RALGDS: variants seen among roughly 807,000 people sequenced by gnomAD.
RALGDS encodes the protein ral guanine nucleotide exchange factor.
In RALGDS, 44 loss-of-function variants were observed where a neutral mutation model predicts 99.8. The ratio of observed to expected loss-of-function variants is 0.44; its 90% CI spans 0.35 to 0.57. The LOEUF (loss-of-function observed/expected upper bound fraction) is 0.57. RALGDS is among the 20% of genes least tolerant of loss of function. The pLI, the probability that RALGDS is intolerant of heterozygous loss-of-function variation, is 0.01. For missense variants in RALGDS, 1,022 were observed against 1,203.1 expected (o/e 0.85, Z 2.23); for synonymous variants, 529 against 505.0 (o/e 1.05, Z -0.64).
At chr9:133,122,794 T>C (rs1831995264), upstream of RALGDS, among the ~76,000 whole-genome samples, 1 of 151,062 alleles carries the variant, frequency 6.6e-6, no homozygotes. Flanking sequence ...GGCCTCCGCC[T>C]CTTGGGGTCA....
intron 3 of RALGDS, 76 bp from the exon 4 acceptor site, chr9:133,109,797 T>C (rs1831251110): frequency 2.4e-6 from 3 of 1,245,436 alleles, no homozygotes; most frequent in Admixed American, 3.6e-5. Flanking sequence ...ATTTTTTTTT[T>C]TGCTTTTTTT....
At chr9:133,100,527 G>T in intron 16 of RALGDS, 145 bp from the exon 17 acceptor site, 1 of 1,535,132 alleles carries the variant, frequency 6.5e-7, no homozygotes, top group South Asian at 1.2e-5. Context: ...TCCGGAGAGG[G>T]CCTTGTCACA....
At chr9:133,112,262 C>T (rs938265414) in intron 1 of RALGDS, 110 bp from the exon 2 acceptor site, 4 of 743,038 alleles carry the variant, frequency 5.4e-6, no homozygotes, top group East Asian at 2.7e-5. Context: ...CACAGACTGG[C>T]GGCTGCACAG....
In RALGDS at chr9:133,102,791, C is replaced by T. The variant is rs770706180; in HGVS notation, c.1901G>A (p.Ser634Asn). 1.2e-6 allele frequency: 2 copies of T among 1,612,650 alleles called. No homozygotes were observed. Among genetic ancestry groups the T allele is most frequent in the African/African-American group, 1.3e-5 (1 of 75,066 alleles). The change falls in exon 13 of 18, where the codon AGC (serine) becomes AAC (asparagine). Residue 634 changes from serine (S) to asparagine (N), a missense_variant. By Grantham distance (46) the Ser-to-Asn change is conservative. Around this residue, in one of 3 missense-constraint regions of RALGDS, gnomAD observed 825 missense variants for 994.5 expected, o/e 0.83. Transcript: ENST00000372050. ...GCCCCGGCCTCACCTCTCAGTCTCG[C>T]TGAGCCGCTCCACGGCCCGGAACCA... The part of the protein sequence containing the change: ...GAWFRAVERL[S>N]ETESYNLSCE...
rs148674373 is a variant in RALGDS at position 133,142,177 on chromosome 9, G to A, written c.18+6786C>T. ...TGGGGAGGGGGGAGTGGACTGGGGT[G>A]TCCCTCAGGAAGGATCCAGGGGCAG... On this transcript the variant is annotated intron_variant, in intron 1 of 17. Transcript: ENST00000393160. Among the ~76,000 whole-genome samples the A allele has an allele frequency of 3.2e-3, 490 of 152,270 alleles. 6 individuals are homozygous for A. Among genetic ancestry groups the A allele is most frequent in the African/African-American group, 0.011 (477 of 41,550 alleles).
In RALGDS at chr9:133,103,412, G is replaced by T. The variant is rs1289621416; in HGVS notation, c.1759-150C>A. 3 of 984,094 alleles carry T rather than the reference G, an allele frequency of 3.0e-6. No homozygotes were observed. In the East Asian group the frequency reaches 7.7e-5, roughly 25 times the overall value. The allele number at this position is 984,094 out of a possible 1,614,324, so 61.0% of individuals were successfully genotyped here. A position where few individuals can be genotyped will look rare whatever the true frequency, so the allele number is the denominator to read the frequency against. On this transcript the variant is annotated intron_variant, in intron 11 of 17. Transcript: ENST00000372050. Reference sequence around the variant, plus strand: ...CCGGTGCTGGGCACCAGGGCAAGGGGACATGCGGGCAGAGGCTTGGGGACT... The same window carrying T: ...CCGGTGCTGGGCACCAGGGCAAGGGTACATGCGGGCAGAGGCTTGGGGACT...
upstream of RALGDS, among the ~76,000 whole-genome samples, chr9:133,124,856 A>G (rs1588559056): frequency 6.6e-6 from 1 of 152,156 alleles, no homozygotes; most frequent in African/African-American, 2.4e-5. Context: ...ACGCAGCACC[A>G]CTCACAGTGT....
At chr9:133,109,013 C>G (rs1363930825) in intron 4 of RALGDS, 147 bp from the exon 5 acceptor site, 2 of 781,536 alleles carry the variant, frequency 2.6e-6, no homozygotes, top group African/African-American at 1.7e-5. Flanking sequence ...AAGGAGGCCC[C>G]TGGTCAGTGG....
chr9:133,108,662 GTCC>G lies in RALGDS; in HGVS notation c.778+8_778+10del, dbSNP rs747258505. On this transcript the variant is annotated splice_region_variant and intron_variant, in intron 5 of 17. Transcript: ENST00000372050. ...CATTCACCCTCTGGCACCCACCCCA[GTCC>G]TCCTCACCCTCAGGCTCTGCCTCAA... 2 of 1,612,810 alleles carry G rather than the reference GTCC, an allele frequency of 1.2e-6. No individual in the cohort carries two copies. Among genetic ancestry groups the G allele is most frequent in the South Asian group, 1.1e-5 (1 of 91,034 alleles).
At chr9:133,103,950 C>T (rs1262274862) in intron 10 of RALGDS, 117 bp from the exon 11 acceptor site, 1 of 986,816 alleles carries the variant, frequency 1.0e-6, no homozygotes, top group Non-Finnish European at 1.6e-6. Context: ...CTCCTGGGGC[C>T]CACTGTCTCC....
chr9:133,120,878 C>CGGCCCCGTCCGGGGCT (rs1347310877), intron 1 of RALGDS, 94 bp downstream of exon 1: 1 of 1,303,784 alleles, frequency 7.7e-7, no homozygotes, highest in African/African-American at 1.6e-5. Context: ...TGGGATCGCC[C>CGGCCCCGTCCGGGGCT]GGCCCCGTCC....
At position 133,126,287 on chromosome 9, in the gene RALGDS, G is replaced by A. The variant is rs901365081; in HGVS notation, c.132+4665C>T. ...ACAACCACAAGCCCCTGGAGAGCACGGCTGCACAGACCTTTCGGAAGTCGG... is the reference window on the plus strand; with the variant it reads ...ACAACCACAAGCCCCTGGAGAGCACAGCTGCACAGACCTTTCGGAAGTCGG... On this transcript the variant is annotated intron_variant, in intron 1 of 17. Coordinates refer to the RALGDS transcript ENST00000372062. 4.0e-5 allele frequency among the ~76,000 whole-genome samples: 6 copies of A among 151,202 alleles called. 1 individual carries two copies. In the South Asian group the frequency reaches 6.3e-4, roughly 16 times the overall value.
chr9:133,107,432 C>T, intron 6 of RALGDS, 132 bp from the exon 7 acceptor site: 11 of 832,478 alleles, frequency 1.3e-5, no homozygotes, highest in Non-Finnish European at 2.2e-5. Context: ...GTGCCCAGCA[C>T]ACAAGTGACC....
chr9:133,107,747 T>A (rs756397585), intron 6 of RALGDS, among the ~76,000 whole-genome samples: 1 of 152,248 alleles, frequency 6.6e-6, no homozygotes, highest in Non-Finnish European at 1.5e-5. Flanking sequence ...CCTGCTGAGC[T>A]TCCTGTCTGT....
intron 1 of RALGDS, among the ~76,000 whole-genome samples, chr9:133,137,854 T>C (rs530720176): frequency 1.5e-5 from 2 of 134,778 alleles, no homozygotes; most frequent in East Asian, 5.8e-4. Flanking sequence ...GTTGCTCTGC[T>C]GTGGGCAGAG....
In RALGDS at chr9:133,110,586, AG is replaced by A. The variant is rs577773518; in HGVS notation, c.295-98del. ...CGAGCCCTCAGCAGCTTGTGGCAAG[AG>A]GCAGGACTGAGTATCTCTAGCAGAA... On this transcript the variant is annotated intron_variant, in intron 2 of 17. Coordinates refer to ENST00000372050, the MANE Select transcript of RALGDS (RefSeq NM_006266.4). The A allele has an allele frequency of 1.4e-4, 145 of 1,046,390 alleles. No individual in the cohort carries two copies. In the East Asian group the frequency reaches 3.2e-3, roughly 23 times the overall value. The allele number at this position is 1,046,390 out of a possible 1,614,324, so 64.8% of individuals were successfully genotyped here.
rs769875786 is a variant in RALGDS, at chr9:133,110,445, C to T, written c.339G>A (p.Val113=). 5.6e-6 allele frequency: 9 copies of T among 1,613,382 alleles called. No individual in the cohort carries two copies. The highest frequency in any genetic ancestry group is 3.3e-5 in the Admixed American group (2 of 60,008). Residue 113 remains valine (V), a synonymous_variant, in exon 3 of 18, where the codon GTG becomes GTA. Transcript: ENST00000372050. ...SALNLYETCK[V]RTVKAGTLEK... is the part of the protein sequence containing the mutation. ...CCAGCGTGCCAGCCTTCACGGTCCG[C>T]ACCTTGCAAGTCTCATAAAGGTTCA... is the stretch of plus-strand genomic sequence containing the variant.
chr9:133,131,971 A>C (rs482670), upstream of RALGDS, among the ~76,000 whole-genome samples: 92,065 of 152,072 alleles, frequency 0.61, 27,959 homozygotes, highest in Admixed American at 0.68. Context: ...TCAGGTGCCA[A>C]AGGGTTACAT....
intron 13 of RALGDS, 66 bp from the exon 14 acceptor site, chr9:133,102,637 C>T: frequency 1.2e-6 from 2 of 1,604,600 alleles, no homozygotes; most frequent in Admixed American, 3.3e-5. Context: ...CAGCACCTGC[C>T]CAGAAGCTGG....
Sources: allele counts gnomAD v4.1 joint callset (sites outside exome capture counted in the v4.1 genomes callset), GRCh38; gene constraint gnomAD v4.1.1; regional missense constraint gnomAD v4.1.1; transcripts MANE v1.5; gene names NCBI Gene and HGNC (gene_info 2026-07-23, HGNC 2026-07-21).